PRDX2: variants seen among roughly 807,000 people sequenced by gnomAD.
PRDX2 encodes the protein peroxiredoxin 2.
A neutral mutation model predicts 19.8 loss-of-function variants in PRDX2; 10 were observed. That is an observed-to-expected ratio of 0.50 (90% confidence interval 0.31 to 0.86). PRDX2 has a LOEUF of 0.86. Ranked by LOEUF, PRDX2 falls within the 40% of genes least tolerant of loss-of-function variation. The pLI, the probability that PRDX2 is intolerant of heterozygous loss-of-function variation, is 0.04. For missense variants in PRDX2, 226 were observed against 260.1 expected, an observed-to-expected ratio of 0.87 and a Z score of 0.90; for synonymous variants, 118 against 108.2, an observed-to-expected ratio of 1.09 and a Z score of -0.56.
chr19:12,801,175 C>G lies in PRDX2; in HGVS notation c.87G>C (p.Lys29Asn). The G allele has an allele frequency of 1.2e-6, 2 of 1,614,058 alleles. No individual in the cohort carries two copies. Among genetic ancestry groups the G allele is most frequent in the Non-Finnish European group, 1.7e-6 (2 of 1,180,040 alleles). Residue 29 changes from lysine (K) to asparagine (N), a missense_variant, in exon 2 of 6, where the codon AAG (lysine) becomes AAC (asparagine). Coordinates refer to ENST00000301522, the MANE Select transcript of PRDX2 (RefSeq NM_005809.6). ...AVVDGAFKEV[K>N]LSDYKGKYVV... Reference sequence around the variant, plus strand: ...GGCGCTCACCTTTGTAGTCCGACAGCTTCACCTCTTTGAAGGCGCCATCAA... The same window carrying G: ...GGCGCTCACCTTTGTAGTCCGACAGGTTCACCTCTTTGAAGGCGCCATCAA...
At chr19:12,800,328 C>T (rs1183040190) in intron 3 of PRDX2, 29 bp from the exon 4 acceptor site, 1 of 1,600,990 alleles carries the variant, frequency 6.2e-7, no homozygotes, top group Non-Finnish European at 8.5e-7. Flanking sequence ...GAGTTGGGGC[C>T]TCAGGATGCC....
intron 1 of PRDX2, 138 bp downstream of exon 1, chr19:12,801,602 T>C: frequency 2.4e-6 from 1 of 414,846 alleles, no homozygotes; most frequent in East Asian, 4.7e-5. Flanking sequence ...TGCAAGGCTG[T>C]GGCCTCGGTT....
intron 5 of PRDX2, among the ~76,000 whole-genome samples, chr19:12,797,656 C>CTTTCTTTTTTTTTTTTTTTTT (rs1321932913): frequency 1.5e-4 from 17 of 113,060 alleles, no homozygotes; most frequent in African/African-American, 1.8e-4. Flanking sequence ...TTCTTTCTTT[C>CTTTCTTTTTTTTTTTTTTTTT]TTTTTTTTTT....
In PRDX2 at chr19:12,801,154, C is replaced by T. The variant is rs1418909678; in HGVS notation, c.103+5G>A. 3 of 1,613,860 alleles carry T rather than the reference C, an allele frequency of 1.9e-6. No individual in the cohort carries two copies. The highest frequency in any genetic ancestry group is 2.5e-6 in the Non-Finnish European group (3 of 1,180,020). On this transcript the variant is annotated splice_donor_5th_base_variant and intron_variant, in intron 2 of 5. Coordinates refer to ENST00000301522, the MANE Select transcript of PRDX2 (RefSeq NM_005809.6). ...CTACCTGGGCCCCCTCCGGGCGGCG[C>T]TCACCTTTGTAGTCCGACAGCTTCA...
At position 12,796,878 on chromosome 19, in the gene PRDX2, C is replaced by T. The variant is rs1412104038; in HGVS notation, c.*203G>A. 1.7e-6 allele frequency: 1 copy of T among 577,568 alleles called. No homozygotes were observed. The highest frequency in any genetic ancestry group is 3.1e-6 in the Non-Finnish European group (1 of 322,746). The allele number at this position is 577,568 out of a possible 1,614,324, so 35.8% of individuals were successfully genotyped here. The stretch of plus-strand genomic sequence containing the variant: ...CTAGGCCTGTGTGCGGCTGGGTGGG[C>T]TTGGGGGAGGGCGTCACTATTCAGC... On this transcript the variant is annotated 3_prime_UTR_variant, in exon 6 of 6. Coordinates refer to ENST00000301522, the MANE Select transcript of PRDX2 (RefSeq NM_005809.6).
In PRDX2 at chr19:12,799,697, T is replaced by C; in HGVS notation, c.511+162A>G. 4 of 992,894 alleles carry C rather than the reference T, an allele frequency of 4.0e-6. No homozygotes were observed. The South Asian group carries it at 5.1e-5, about 13-fold the overall frequency. The allele number at this position is 992,894 out of a possible 1,614,324, so 61.5% of individuals were successfully genotyped here. The stretch of plus-strand genomic sequence containing the variant: ...TTGGTTGAATGTCAGGCGTTATTTG[T>C]CTCCTACCACATTAGAAACATCCTG... On this transcript the variant is annotated intron_variant, in intron 5 of 5. Coordinates refer to ENST00000301522, the MANE Select transcript of PRDX2 (RefSeq NM_005809.6).
intron 3 of PRDX2, 196 bp downstream of exon 3, chr19:12,800,720 C>T (rs2145817039): frequency 1.3e-6 from 2 of 1,483,590 alleles, no homozygotes; most frequent in African/African-American, 1.4e-5. Flanking sequence ...GCATCTGCAA[C>T]TCTATATACC....
chr19:12,799,840 C>A lies in PRDX2; in HGVS notation c.511+19G>T. ...AGGCGCTCAGTATGTACCCATGTGT[C>A]ATGTGTGTATCTGCTCACCTTCCCC... On this transcript the variant is annotated intron_variant, in intron 5 of 5. Coordinates refer to ENST00000301522, the MANE Select transcript of PRDX2 (RefSeq NM_005809.6). 3 of 1,610,922 alleles carry A rather than the reference C, an allele frequency of 1.9e-6. No individual in the cohort carries two copies. Among genetic ancestry groups the A allele is most frequent in the South Asian group, 2.2e-5 (2 of 90,822 alleles).
intron 5 of PRDX2, among the ~76,000 whole-genome samples, chr19:12,797,890 C>G (rs980519348): frequency 3.3e-5 from 5 of 151,620 alleles, no homozygotes; most frequent in Non-Finnish European, 7.4e-5. Context: ...GAACTCCTGA[C>G]TTCAGGTGAT....
At chr19:12,800,358 C>A in intron 3 of PRDX2, 59 bp from the exon 4 acceptor site, 1 of 1,570,712 alleles carries the variant, frequency 6.4e-7, no homozygotes, top group Non-Finnish European at 8.7e-7. Context: ...AGGGTCCTCA[C>A]CCTGTGGGCC....
Position 12,799,989 on chromosome 19 carries a change from C to A in PRDX2, c.381G>T (p.Arg127Ser). 1 of 1,613,686 alleles carries A rather than the reference C, an allele frequency of 6.2e-7. No individual in the cohort carries two copies. Among genetic ancestry groups the A allele is most frequent in the Middle Eastern group, 1.7e-4 (1 of 6,060 alleles). Residue 127 changes from arginine (R) to serine (S), a missense_variant and splice_region_variant, in exon 5 of 6, where the codon AGG becomes AGT. Transcript: ENST00000301522. ...CCTTGCCATCGATGATAAAGAGGCC[C>A]CTGAAGACATCAGGGTTCCCAGTGA... ...VLKTDEGIAY[R>S]GLFIIDGKGV...
In PRDX2 at chr19:12,799,881, C is replaced by T; in HGVS notation, c.489G>A (p.Gln163=). The T allele has an allele frequency of 6.2e-7, 1 of 1,612,988 alleles. No individual in the cohort carries two copies. The change falls in exon 5 of 6, where the codon CAG becomes CAA. Residue 163 remains glutamine (Q), a synonymous_variant. Coordinates refer to ENST00000301522, the MANE Select transcript of PRDX2 (RefSeq NM_005809.6). ...DEALRLVQAF[Q]YTDEHGEVCP... ...CACCTTCCCCATGCTCGTCTGTGTACTGGAAGGCCTGGACCAGCCGCAGAG... is the reference window on the plus strand; with the variant it reads ...CACCTTCCCCATGCTCGTCTGTGTATTGGAAGGCCTGGACCAGCCGCAGAG...
intron 4 of PRDX2, 40 bp downstream of exon 4, chr19:12,800,137 G>A (rs1968862741): frequency 1.9e-6 from 3 of 1,607,796 alleles, no homozygotes; most frequent in Middle Eastern, 1.7e-4. Context: ...GGAATGGGGG[G>A]CAGGGCGCTC....
intron 5 of PRDX2, among the ~76,000 whole-genome samples, chr19:12,799,264 C>T (rs1392370079): frequency 6.6e-6 from 1 of 152,094 alleles, no homozygotes; most frequent in African/African-American, 2.4e-5. Context: ...GTGGTGCGAT[C>T]ACAGCTTACT....
intron 5 of PRDX2, chr19:12,799,558 C>T (rs553917124): frequency 4.2e-6 from 1 of 240,954 alleles, no homozygotes; most frequent in Non-Finnish European, 8.3e-6. Context: ...CGGGGTTTCA[C>T]CATGTTGGTC....
At chr19:12,800,494 A>G (rs999572414) in intron 3 of PRDX2, 195 bp from the exon 4 acceptor site, 85 of 816,794 alleles carry the variant, frequency 1.0e-4, no homozygotes, top group Non-Finnish European at 1.5e-4. Context: ...TGAGTTTGAG[A>G]GGCACAGCTC....
At chr19:12,799,178 C>T (rs1359068616) in intron 5 of PRDX2, among the ~76,000 whole-genome samples, 1 of 151,678 alleles carries the variant, frequency 6.6e-6, no homozygotes, top group African/African-American at 2.4e-5. Context: ...GGATTACAGG[C>T]GTGAGCCACC....
Position 12,801,766 on chromosome 19 carries a change from G to T in PRDX2, c.-36C>A. The T allele has an allele frequency of 3.1e-6, 1 of 326,898 alleles. No homozygotes were observed. Among genetic ancestry groups the T allele is most frequent in the Non-Finnish European group, 5.6e-6 (1 of 179,654 alleles). 20.2% of individuals were successfully genotyped at this position (326,898 alleles called of 1,614,324 possible). Reference sequence around the variant, plus strand: ...TGCGTGGGCAAAGGCTAGACGCACGGACGATCACACGCGTGGACCCGCGTT... The same window carrying T: ...TGCGTGGGCAAAGGCTAGACGCACGTACGATCACACGCGTGGACCCGCGTT... On this transcript the variant is annotated 5_prime_UTR_variant, in exon 1 of 6. Coordinates refer to ENST00000301522, the MANE Select transcript of PRDX2 (RefSeq NM_005809.6).
chr19:12,797,197 G>T, intron 5 of PRDX2, 31 bp from the exon 6 acceptor site: 2 of 1,594,716 alleles, frequency 1.3e-6, no homozygotes, highest in Non-Finnish European at 1.7e-6. Flanking sequence ...GCACATGAAG[G>T]CTACAGCCCC....
Sources: gnomAD v4.1 joint callset for allele counts (sites outside exome capture counted in the v4.1 genomes callset) on GRCh38, gnomAD v4.1.1 for gene constraint, MANE v1.5 for transcripts, NCBI Gene and HGNC (gene_info 2026-07-23, HGNC 2026-07-21) for gene names.